KSR1: variants seen among roughly 807,000 people sequenced by gnomAD.
KSR1 encodes kinase suppressor of ras.
A neutral mutation model predicts 92.9 loss-of-function variants in KSR1; 35 were observed. That is an observed-to-expected ratio of 0.38 (90% CI 0.29 to 0.50). KSR1 has a LOEUF of 0.50. Among genes scored for constraint, KSR1 ranks in the 20% least tolerant of loss-of-function variants. KSR1 has a pLI of 0.94. For missense variants in KSR1, 972 were observed against 1,158.5 expected, an observed-to-expected ratio of 0.84 and a Z score of 2.34; for synonymous variants, 467 against 472.6, an observed-to-expected ratio of 0.99 and a Z score of 0.15.
chr17:27,531,610 G>A (rs769002929), intron 1 of KSR1, among the ~76,000 whole-genome samples: 1 of 152,208 alleles, frequency 6.6e-6, no homozygotes, highest in Non-Finnish European at 1.5e-5. Context: ...GCTGGAGGTG[G>A]CTTCAGCCCT....
chr17:27,592,319 C>A lies in KSR1; in HGVS notation c.1131-42C>A, dbSNP rs144807071. The A allele has an allele frequency of 5.4e-5, 85 of 1,564,250 alleles. 2 individuals are homozygous for A. Among genetic ancestry groups the A allele is most frequent in the Middle Eastern group, 5.0e-4 (3 of 5,960 alleles). Reference sequence around the variant, plus strand: ...AGCTACCCCTGTGTGCCTGAGCCCCCCCATGTGGTGCTTTGCACACCAACC... The same window carrying A: ...AGCTACCCCTGTGTGCCTGAGCCCCACCATGTGGTGCTTTGCACACCAACC... On this transcript the variant is annotated intron_variant, in intron 7 of 20. Coordinates refer to ENST00000644974, the MANE Select transcript of KSR1 (RefSeq NM_001394583.1).
At chr17:27,525,892 T>C (rs551628644) in intron 1 of KSR1, among the ~76,000 whole-genome samples, 1 of 152,314 alleles carries the variant, frequency 6.6e-6, no homozygotes, top group South Asian at 2.1e-4. Context: ...AGGTGTGCTA[T>C]AGGGAGAATG....
At chr17:27,479,227 C>A (rs958959054) in intron 1 of KSR1, among the ~76,000 whole-genome samples, 2 of 151,438 alleles carry the variant, frequency 1.3e-5, no homozygotes, top group Admixed American at 6.6e-5. Context: ...TCCCTGCATC[C>A]ATGCTCTTCC....
At chr17:27,490,026 G>A (rs1269514285) in intron 1 of KSR1, among the ~76,000 whole-genome samples, 2 of 152,350 alleles carry the variant, frequency 1.3e-5, no homozygotes, top group East Asian at 3.9e-4. Context: ...ACCTGTGTGT[G>A]TGCTCAGACC....
rs188086370 is a variant in KSR1 at position 27,609,266 on chromosome 17, A to G, written c.2162A>G (p.Asn721Ser). ...AAATCTAAGAACGTCTTCTATGACA[A>G]CGGCAAGGTGGTCATCACAGACTTC... ...DLKSKNVFYD[N>S]GKVVITDFGL... The change falls in exon 16 of 21, where the codon AAC (asparagine) becomes AGC (serine). Residue 721 changes from asparagine to serine, a missense_variant. By Grantham distance (46) the Asn-to-Ser change is conservative. Transcript: ENST00000644974. 4.3e-6 allele frequency: 7 copies of G among 1,613,998 alleles called. No individual in the cohort carries two copies. In the African/African-American group the frequency reaches 8.0e-5, roughly 18 times the overall value.
At chr17:27,603,781 T>C in intron 11 of KSR1, 53 bp from the exon 12 acceptor site, 1 of 1,586,824 alleles carries the variant, frequency 6.3e-7, no homozygotes, top group African/African-American at 1.3e-5. Flanking sequence ...CGGTGTCTCT[T>C]TGGGGAGAGG....
chr17:27,534,364 CAA>C (rs1350102309), intron 1 of KSR1, among the ~76,000 whole-genome samples: 1 of 152,224 alleles, frequency 6.6e-6, no homozygotes, highest in Non-Finnish European at 1.5e-5. Context: ...TAACTGCTTT[CAA>C]AGAGTACAAG....
At chr17:27,547,607 G>GT (rs1250118608) in intron 1 of KSR1, among the ~76,000 whole-genome samples, 2 of 152,044 alleles carry the variant, frequency 1.3e-5, no homozygotes, top group South Asian at 4.2e-4. Context: ...TCTATCACAG[G>GT]TTTTTTTTGT....
At chr17:27,500,815 A>C (rs1021399177) in intron 1 of KSR1, among the ~76,000 whole-genome samples, 1 of 152,238 alleles carries the variant, frequency 6.6e-6, no homozygotes, top group South Asian at 2.1e-4. Flanking sequence ...GCGGGGGCAA[A>C]GGGTGCTGCT....
intron 2 of KSR1, among the ~76,000 whole-genome samples, chr17:27,573,158 C>T (rs1418224288): frequency 6.6e-6 from 1 of 152,244 alleles, no homozygotes; most frequent in Non-Finnish European, 1.5e-5. Context: ...CTGGAAGCCC[C>T]ATGTTCCTCA....
chr17:27,619,221 G>A (rs1191421497), intron 19 of KSR1, among the ~76,000 whole-genome samples: 2 of 151,946 alleles, frequency 1.3e-5, no homozygotes, highest in Non-Finnish European at 2.9e-5. Flanking sequence ...GCCAGGTGTG[G>A]TGATGGCAGC....
At chr17:27,490,178 C>T (rs115741704) in intron 1 of KSR1, among the ~76,000 whole-genome samples, 2,404 of 152,268 alleles carry the variant, frequency 0.016, 66 homozygotes, top group African/African-American at 0.055. Context: ...TGCATTTGTA[C>T]AAGGGGGCTG....
At chr17:27,588,428 C>A in intron 5 of KSR1, 47 bp from the exon 6 acceptor site, 1 of 1,526,396 alleles carries the variant, frequency 6.6e-7, no homozygotes, top group Non-Finnish European at 8.9e-7. Context: ...CACGAGCTGT[C>A]GCCTGCGGAG....
At chr17:27,480,048 C>G (rs1384948022) in intron 1 of KSR1, among the ~76,000 whole-genome samples, 4 of 152,192 alleles carry the variant, frequency 2.6e-5, no homozygotes, top group Non-Finnish European at 4.4e-5. Context: ...CAAGTCAGCT[C>G]TTTTGCATCA....
At chr17:27,602,310 C>G (rs1411089471) in intron 11 of KSR1, among the ~76,000 whole-genome samples, 3 of 152,190 alleles carry the variant, frequency 2.0e-5, no homozygotes, top group Non-Finnish European at 4.4e-5. Flanking sequence ...CTCCCGGAGG[C>G]TCCCTCTGAA....
intron 14 of KSR1, among the ~76,000 whole-genome samples, chr17:27,606,017 T>G (rs2073740561): frequency 6.6e-6 from 1 of 152,230 alleles, no homozygotes; most frequent in Non-Finnish European, 1.5e-5. Context: ...CAGTGGCCCA[T>G]GTCTGTAATC....
intron 1 of KSR1, among the ~76,000 whole-genome samples, chr17:27,505,732 C>T (rs2069355886): frequency 6.6e-6 from 1 of 152,228 alleles, no homozygotes; most frequent in Admixed American, 6.5e-5. Context: ...GCATATCATA[C>T]ACATGTTTGC....
chr17:27,623,173 G>T (rs2074272004), intron 20 of KSR1, 141 bp from the exon 21 acceptor site: 2 of 684,252 alleles, frequency 2.9e-6, no homozygotes, highest in Non-Finnish European at 5.3e-6. Context: ...GGGCAGCTCT[G>T]CCAGGGCTGT....
intron 1 of KSR1, among the ~76,000 whole-genome samples, chr17:27,483,404 G>C (rs1048684844): frequency 1.3e-5 from 2 of 152,022 alleles, no homozygotes; most frequent in African/African-American, 4.8e-5. Flanking sequence ...CCTGATCAAC[G>C]TGGAGAAACC....
Sources: gnomAD v4.1 joint callset for allele counts (sites outside exome capture counted in the v4.1 genomes callset) on GRCh38, gnomAD v4.1.1 for gene constraint, MANE v1.5 for transcripts, NCBI Gene and HGNC (gene_info 2026-07-23, HGNC 2026-07-21) for gene names.